The following RADX variants were observed in gnomAD, a reference collection of about 807,000 sequenced individuals.
RADX encodes the protein RPA1 related single stranded DNA binding protein, X-linked.
Under a neutral mutation model 61.6 loss-of-function variants are expected in RADX, and 36 were observed. The observed-to-expected ratio is 0.58, with a 90% CI of 0.45 to 0.77. The LOEUF (loss-of-function observed/expected upper bound fraction) is 0.77. RADX is among the 30% of genes least tolerant of loss of function. RADX has a pLI of 0.00. For synonymous variants in RADX, 272 were observed against 237.9 expected, an observed-to-expected ratio of 1.14 and a Z score of -1.32; for missense variants, 497 against 651.1, an observed-to-expected ratio of 0.76 and a Z score of 2.58.
At chrX:106,676,309 G>A (rs887592335) in intron 13 of RADX, among the ~76,000 whole-genome samples, 4 of 112,041 alleles carry the variant, frequency 3.6e-5, no homozygotes, top group Non-Finnish European at 5.6e-5. Context: ...TTACTGTGAC[G>A]CTAATGTAGC....
rs1199076711 is a variant in RADX at position 106,675,667 on chromosome X, G to A, written c.2438-2461G>A. 1.3e-4 allele frequency among the ~76,000 whole-genome samples: 15 copies of A among 112,260 alleles called. No homozygotes were observed. The Admixed American group carries it at 1.4e-3, about 11-fold the overall frequency. On this transcript the variant is annotated intron_variant, in intron 13 of 13. Coordinates refer to ENST00000372548, the MANE Select transcript of RADX (RefSeq NM_018015.6). The stretch of plus-strand genomic sequence containing the variant: ...GGAAATGGAGTGGAGAACACATAGT[G>A]TTGCCTTTGTCACACTTAACTTATG...
At chrX:106,636,386 C>A (rs1009495427) in intron 6 of RADX, among the ~76,000 whole-genome samples, 157 bp from the exon 7 acceptor site, 1 of 111,731 alleles carries the variant, frequency 9.0e-6, no homozygotes, top group Non-Finnish European at 1.9e-5. Flanking sequence ...AATCTCAGGC[C>A]CCACCCTAGA....
At chrX:106,664,518 A>G (rs1248054558) in intron 12 of RADX, among the ~76,000 whole-genome samples, 1 of 112,041 alleles carries the variant, frequency 8.9e-6, no homozygotes, top group Non-Finnish European at 1.9e-5. Flanking sequence ...TCGTGCATCA[A>G]CATTTTAATA....
intron 7 of RADX, among the ~76,000 whole-genome samples, chrX:106,637,275 CA>C (rs1213523887): frequency 9.0e-6 from 1 of 111,498 alleles, no homozygotes; most frequent in African/African-American, 3.3e-5. Flanking sequence ...ACATCTTTGT[CA>C]ATGCATATCT....
At position 106,676,997 on chromosome X, in the gene RADX, G is replaced by T. The variant is rs1029409971; in HGVS notation, c.2438-1131G>T. Among the ~76,000 whole-genome samples, 9 of 111,827 alleles carry T rather than the reference G, an allele frequency of 8.0e-5. No individual in the cohort carries two copies. In the Admixed American group the frequency reaches 8.6e-4, roughly 11 times the overall value. On this transcript the variant is annotated intron_variant, in intron 13 of 13. Transcript: ENST00000372548. ...CCCAGGATTTTTTGGTTTGCTTCTT[G>T]CTTGTCCCAACTTTATAACCTGCCC...
At chrX:106,630,925 A>T (rs1304538753) in intron 3 of RADX, among the ~76,000 whole-genome samples, 2 of 112,420 alleles carry the variant, frequency 1.8e-5, no homozygotes, top group Non-Finnish European at 1.9e-5. Flanking sequence ...TTTTAAAAAT[A>T]AAAATTAAAA....
chrX:106,627,539 A>G (rs1927100574), intron 3 of RADX, among the ~76,000 whole-genome samples: 2 of 110,858 alleles, frequency 1.8e-5, no homozygotes, highest in African/African-American at 6.6e-5. Context: ...GTCACCATCC[A>G]ATGCGATAGA....
chrX:106,623,646 T>A (rs765693403), intron 2 of RADX, among the ~76,000 whole-genome samples: 12 of 110,986 alleles, frequency 1.1e-4, no homozygotes, highest in Admixed American at 2.9e-4. Flanking sequence ...ATCTATGATA[T>A]TTAATCATAT....
intron 11 of RADX, among the ~76,000 whole-genome samples, chrX:106,659,933 A>T (rs1026564886): frequency 8.9e-6 from 1 of 112,051 alleles, no homozygotes; most frequent in Non-Finnish European, 1.9e-5. Context: ...CAATCATATA[A>T]TTGTTTTCTA....
At chrX:106,622,489 A>G (rs750737124) in intron 1 of RADX, among the ~76,000 whole-genome samples, 162 bp from the exon 2 acceptor site, 10 of 110,954 alleles carry the variant, frequency 9.0e-5, no homozygotes, top group East Asian at 2.8e-4. Flanking sequence ...TTAGGGATCA[A>G]ATGTAGTTTA....
chrX:106,620,471 G>A (rs1043561712), intron 1 of RADX, among the ~76,000 whole-genome samples: 1 of 110,372 alleles, frequency 9.1e-6, no homozygotes, highest in African/African-American at 3.3e-5. Context: ...TCAGGAGTTC[G>A]AGACCAGCCT....
At chrX:106,677,280 G>A (rs1376700071) in intron 13 of RADX, among the ~76,000 whole-genome samples, 1 of 112,067 alleles carries the variant, frequency 8.9e-6, no homozygotes, top group African/African-American at 3.2e-5. Flanking sequence ...TCTGCGGAGT[G>A]AGGAGTGATA....
chrX:106,635,852 A>G (rs16985924), intron 6 of RADX, among the ~76,000 whole-genome samples: 3,112 of 112,310 alleles, frequency 0.028, 106 homozygotes, highest in African/African-American at 0.095. Context: ...GGTAAAAACA[A>G]TTGATAGTTG....
intron 8 of RADX, 163 bp downstream of exon 8, chrX:106,638,087 A>G: frequency 2.3e-6 from 1 of 429,697 alleles, no homozygotes; most frequent in Non-Finnish European, 4.0e-6. Flanking sequence ...CTAAAAATAT[A>G]TGTCACGTAT....
intron 10 of RADX, among the ~76,000 whole-genome samples, chrX:106,647,086 CTT>C (rs1294660047): frequency 1.1e-4 from 12 of 110,134 alleles, no homozygotes; most frequent in African/African-American, 3.9e-4. Flanking sequence ...CTTATTCATT[CTT>C]TCTATATTTT....
chrX:106,652,491 A>T (rs1028681982), intron 11 of RADX, among the ~76,000 whole-genome samples: 2 of 111,124 alleles, frequency 1.8e-5, no homozygotes, highest in Non-Finnish European at 3.8e-5. Flanking sequence ...GTAAGTAAAG[A>T]TAAATAGGGA....
intron 11 of RADX, among the ~76,000 whole-genome samples, chrX:106,652,299 G>A (rs1927812399): frequency 9.1e-6 from 1 of 110,290 alleles, no homozygotes; most frequent in African/African-American, 3.3e-5. Flanking sequence ...ACTTCAGCCT[G>A]GGCAACATAG....
intron 1 of RADX, among the ~76,000 whole-genome samples, chrX:106,615,033 A>G (rs1003941866): frequency 9.0e-6 from 1 of 111,033 alleles, no homozygotes; most frequent in Non-Finnish European, 1.9e-5. Context: ...TGTAACCTCA[A>G]ATATAGCTTT....
intron 3 of RADX, among the ~76,000 whole-genome samples, chrX:106,630,597 C>T (rs1372146799): frequency 1.8e-5 from 2 of 110,999 alleles, no homozygotes; most frequent in African/African-American, 6.6e-5. Context: ...AAATTTTATA[C>T]AGAGAAAAAA....
Sources: gnomAD v4.1 joint callset for allele counts (sites outside exome capture counted in the v4.1 genomes callset) on GRCh38, gnomAD v4.1.1 for gene constraint, MANE v1.5 for transcripts, NCBI Gene and HGNC (gene_info 2026-07-23, HGNC 2026-07-21) for gene names.